Variants in SMYD3 observed in about 807,000 individuals in gnomAD.
The protein encoded by SMYD3 is SET and MYND domain containing 3.
Under a neutral mutation model 57.7 loss-of-function variants are expected in SMYD3, and 36 were observed. That is an observed-to-expected ratio of 0.62 (90% CI 0.48 to 0.82). The LOEUF is 0.82. Among genes scored for constraint, SMYD3 ranks in the 40% least tolerant of loss-of-function variants. The probability of loss-of-function intolerance (pLI) is 0.00; values close to 1 mark genes in which losing one functional copy is unlikely to be tolerated. For synonymous variants in SMYD3, 211 were observed against 195.0 expected (o/e 1.08, Z -0.68); for missense variants, 515 against 538.8 (o/e 0.96, Z 0.44).
chr1:246,440,415 G>A (rs553482406), intron 1 of SMYD3, among the ~76,000 whole-genome samples: 104 of 152,286 alleles, frequency 6.8e-4, no homozygotes, highest in Middle Eastern at 3.4e-3. Flanking sequence ...AACAGCCTGT[G>A]AGGAAGATAT....
At chr1:245,870,372 G>T (rs1270772120) in intron 8 of SMYD3, among the ~76,000 whole-genome samples, 1 of 152,120 alleles carries the variant, frequency 6.6e-6, no homozygotes, top group Non-Finnish European at 1.5e-5. Flanking sequence ...CCCCACGCCG[G>T]CTCCGGACCC....
chr1:245,775,380 T>C (rs1283474926), intron 10 of SMYD3, among the ~76,000 whole-genome samples: 2 of 152,166 alleles, frequency 1.3e-5, no homozygotes, highest in Non-Finnish European at 2.9e-5. Flanking sequence ...AAAATTCTTC[T>C]GCCTTGGGAT....
chr1:246,250,758 C>T (rs1020450075), intron 5 of SMYD3, among the ~76,000 whole-genome samples: 6 of 152,222 alleles, frequency 3.9e-5, no homozygotes, highest in South Asian at 2.1e-4. Flanking sequence ...ACTACTCTCC[C>T]GAATCAACTT....
At chr1:246,502,199 C>T (rs900431034) in intron 1 of SMYD3, among the ~76,000 whole-genome samples, 24 of 150,658 alleles carry the variant, frequency 1.6e-4, no homozygotes, top group African/African-American at 5.4e-4. Flanking sequence ...AGTGCAGTGG[C>T]GTGATCACCA....
At chr1:246,351,778 A>G (rs1292540994) in intron 2 of SMYD3, among the ~76,000 whole-genome samples, 1 of 152,092 alleles carries the variant, frequency 6.6e-6, no homozygotes, top group East Asian at 1.9e-4. Context: ...TTTATGTTTT[A>G]CCCTGTATGA....
At chr1:246,471,232 G>C (rs955915602) in intron 1 of SMYD3, among the ~76,000 whole-genome samples, 3 of 151,928 alleles carry the variant, frequency 2.0e-5, no homozygotes, top group African/African-American at 7.3e-5. Flanking sequence ...ATGGGGTCTT[G>C]CTGTCCCCCA....
intron 5 of SMYD3, among the ~76,000 whole-genome samples, chr1:246,249,571 T>C (rs1039718747): frequency 6.6e-6 from 1 of 151,964 alleles, no homozygotes; most frequent in Non-Finnish European, 1.5e-5. Flanking sequence ...GGATAAAATA[T>C]TTCTGAAAAA....
chr1:246,009,546 C>T (rs1224477387), intron 5 of SMYD3, among the ~76,000 whole-genome samples: 3 of 151,932 alleles, frequency 2.0e-5, no homozygotes, highest in Non-Finnish European at 4.4e-5. Flanking sequence ...AAAAGGGTAA[C>T]AACGCAAAAG....
intron 10 of SMYD3, among the ~76,000 whole-genome samples, chr1:245,773,483 T>C (rs1234184411): frequency 2.6e-5 from 4 of 152,242 alleles, no homozygotes; most frequent in African/African-American, 9.6e-5. Context: ...GCAGCCTGGC[T>C]GGCAGCAGGG....
intron 5 of SMYD3, among the ~76,000 whole-genome samples, chr1:245,969,844 G>C (rs940878226): frequency 6.6e-6 from 1 of 152,186 alleles, no homozygotes; most frequent in African/African-American, 2.4e-5. Flanking sequence ...CTCTAAGTGT[G>C]TATAAAAACC....
rs192423425 is a variant in SMYD3 at position 246,004,426 on chromosome 1, T to A, written c.532-74489A>T. On this transcript the variant is annotated intron_variant, in intron 5 of 11. Transcript: ENST00000490107. ...GCAAGAGTCCACAACACACTTGACT[T>A]TCATTCATGTGTACTACAATCCTGT... 2.0e-4 allele frequency among the ~76,000 whole-genome samples: 30 copies of A among 152,252 alleles called. No individual in the cohort carries two copies. The East Asian group carries it at 3.9e-3, about 20-fold the overall frequency.
intron 8 of SMYD3, among the ~76,000 whole-genome samples, chr1:245,897,484 A>C (rs1014969782): frequency 6.6e-6 from 1 of 152,274 alleles, no homozygotes; most frequent in African/African-American, 2.4e-5. Flanking sequence ...AAGGATTTGC[A>C]GTCACTGCTT....
chr1:246,330,570 A>G (rs1296643176), intron 3 of SMYD3, 33 bp from the exon 4 acceptor site: 1 of 1,557,968 alleles, frequency 6.4e-7, no homozygotes, highest in Non-Finnish European at 8.7e-7. Flanking sequence ...GCCAATAACA[A>G]TTTCAAGTGT....
chr1:246,462,264 C>T (rs369026121), intron 1 of SMYD3, among the ~76,000 whole-genome samples: 20 of 91,352 alleles, frequency 2.2e-4, no homozygotes, highest in East Asian at 5.3e-4. Context: ...GTGCATCCTC[C>T]CGCGGGGCCT....
At chr1:246,063,270 G>C (rs1203674974) in intron 5 of SMYD3, among the ~76,000 whole-genome samples, 2 of 152,168 alleles carry the variant, frequency 1.3e-5, no homozygotes, top group Admixed American at 1.3e-4. Context: ...ACAAAAAGCT[G>C]TGATAACGTG....
intron 5 of SMYD3, among the ~76,000 whole-genome samples, chr1:246,055,392 G>A (rs1166437197): frequency 6.6e-6 from 1 of 152,006 alleles, no homozygotes; most frequent in Non-Finnish European, 1.5e-5. Context: ...GAGACCAGGA[G>A]TTCAAAGCCA....
chr1:245,818,658 A>T (rs28787726), intron 10 of SMYD3, among the ~76,000 whole-genome samples: 3,196 of 151,062 alleles, frequency 0.021, 43 homozygotes, highest in African/African-American at 0.036. Flanking sequence ...CCATCTCACG[A>T]GCAGAGACAC....
At chr1:245,851,587 C>T (rs549772344) in intron 10 of SMYD3, among the ~76,000 whole-genome samples, 52 of 152,330 alleles carry the variant, frequency 3.4e-4, no homozygotes, top group African/African-American at 1.1e-3. Flanking sequence ...CCTAAAGCCC[C>T]ATGCCTGCTA....
rs74634192 is a variant in SMYD3 at position 245,856,689 on chromosome 1, T to C, written c.1076+1807A>G. Among the ~76,000 whole-genome samples, 16 of 152,256 alleles carry C rather than the reference T, an allele frequency of 1.1e-4. No individual in the cohort carries two copies. The East Asian group carries it at 2.5e-3, about 24-fold the overall frequency. ...CCGTGTAGGTGTGTGGTCTTCTTTA[T>C]GGATGTGGTGGACCCATGTAAAGTT... On this transcript the variant is annotated intron_variant, in intron 10 of 11. Coordinates refer to ENST00000490107, the MANE Select transcript of SMYD3 (RefSeq NM_001167740.2).
Sources: allele counts gnomAD v4.1 joint callset (sites outside exome capture counted in the v4.1 genomes callset), GRCh38; gene constraint gnomAD v4.1.1; transcripts MANE v1.5; gene names NCBI Gene and HGNC (gene_info 2026-07-23, HGNC 2026-07-21).